The following NRXN1 variants were observed in gnomAD, a reference collection of about 807,000 sequenced individuals.
The protein encoded by NRXN1 is neurexin-1.
In NRXN1, 39 loss-of-function variants were observed where a neutral mutation model predicts 150.9. The ratio of observed to expected loss-of-function variants is 0.26; its 90% CI spans 0.20 to 0.34. The LOEUF (loss-of-function observed/expected upper bound fraction) is 0.34, where lower values mean the gene tolerates loss of function less well. NRXN1 is among the 10% of genes least tolerant of loss of function. The pLI is 1.00. For synonymous variants in NRXN1, 924 were observed against 757.0 expected (o/e 1.22, Z -3.62); for missense variants, 1,815 against 1,949.9 (o/e 0.93, Z 1.30).
chr2:50,476,050 G>A (rs942314042), intron 15 of NRXN1, among the ~76,000 whole-genome samples: 1 of 152,010 alleles, frequency 6.6e-6, no homozygotes, highest in Admixed American at 6.6e-5. Flanking sequence ...CAAAATGAGT[G>A]GCTGATTTTT....
intron 17 of NRXN1, among the ~76,000 whole-genome samples, chr2:50,387,743 CA>C (rs1322831209): frequency 4.0e-5 from 6 of 151,106 alleles, no homozygotes; most frequent in Non-Finnish European, 7.4e-5. Flanking sequence ...ATGGCATTTT[CA>C]AAAAAAACAG....
At position 50,114,878 on chromosome 2, in the gene NRXN1, G is replaced by T. The variant is rs559454055; in HGVS notation, c.3547-23384C>A. ...CTAGTGGGGAGAGAGGGATGAATAG[G>T]TAGAGTACAGAGGATTTTTAGGGCA... On this transcript the variant is annotated intron_variant, in intron 18 of 22. Transcript: ENST00000401669. Among the ~76,000 whole-genome samples the T allele has an allele frequency of 5.9e-5, 9 of 151,988 alleles. 1 individual carries two copies. Among genetic ancestry groups the T allele is most frequent in the African/African-American group, 1.7e-4 (7 of 41,470 alleles).
chr2:50,623,421 C>G lies in NRXN1; in HGVS notation c.1027G>C (p.Val343Leu), dbSNP rs1680410538. ...AAGGCCCCTGATCCCAAATTAATGA[C>G]CAGAGAGACAGCTCCATTTTTCAGG... ...LALKNGAVSL[V>L]INLGSGAFEA... Residue 343 changes from valine (V) to leucine (L), a missense_variant, in exon 6 of 23, where the codon GTC becomes CTC. Physicochemically the swap from Val to Leu is conservative, Grantham distance 32. This residue lies in a region of NRXN1 where 554 missense variants were observed against 478.8 expected (regional missense o/e 1.16). Coordinates refer to ENST00000401669, the MANE Select transcript of NRXN1 (RefSeq NM_001330078.2). 1 of 1,613,208 alleles carries G rather than the reference C, an allele frequency of 6.2e-7. No individual in the cohort carries two copies. Among genetic ancestry groups the G allele is most frequent in the African/African-American group, 1.3e-5 (1 of 74,862 alleles).
chr2:50,685,712 C>T (rs1429106462), intron 5 of NRXN1, among the ~76,000 whole-genome samples: 7 of 152,086 alleles, frequency 4.6e-5, no homozygotes, highest in Non-Finnish European at 1.5e-5. Flanking sequence ...TTTGTTTCAT[C>T]CTGTCAGTAT....
At chr2:50,188,651 T>C (rs992987741) in intron 18 of NRXN1, among the ~76,000 whole-genome samples, 6 of 151,720 alleles carry the variant, frequency 4.0e-5, no homozygotes, top group Non-Finnish European at 8.8e-5. Flanking sequence ...ATCCAGAATC[T>C]ACAAGGAACT....
At chr2:50,344,916 A>G (rs901550144) in intron 17 of NRXN1, among the ~76,000 whole-genome samples, 5 of 152,068 alleles carry the variant, frequency 3.3e-5, no homozygotes, top group African/African-American at 7.2e-5. Flanking sequence ...CCACCTACCC[A>G]CACTCTGCCC....
At chr2:50,388,516 G>T (rs2081475235) in intron 17 of NRXN1, among the ~76,000 whole-genome samples, 1 of 152,036 alleles carries the variant, frequency 6.6e-6, no homozygotes, top group African/African-American at 2.4e-5. Context: ...TACAAACCAG[G>T]GTTTGGCTTT....
At chr2:50,939,899 A>T (rs1331440711) in intron 2 of NRXN1, among the ~76,000 whole-genome samples, 1 of 152,202 alleles carries the variant, frequency 6.6e-6, no homozygotes, top group African/African-American at 2.4e-5. Context: ...GAAACAACAG[A>T]ACCACCCACT....
intron 2 of NRXN1, among the ~76,000 whole-genome samples, chr2:50,993,409 C>A (rs1293010490): frequency 6.6e-6 from 1 of 151,728 alleles, no homozygotes; most frequent in Non-Finnish European, 1.5e-5. Context: ...GTTTTAGGTT[C>A]CCTTTGATTC....
chr2:50,277,641 C>T (rs1473203184), intron 17 of NRXN1, among the ~76,000 whole-genome samples: 1 of 151,948 alleles, frequency 6.6e-6, no homozygotes, highest in African/African-American at 2.4e-5. Flanking sequence ...AGTAGTCAAT[C>T]CATAGATGAA....
In NRXN1 at chr2:49,939,565, C is replaced by T. The variant is rs1671621561; in HGVS notation, c.4216+4139G>A. The stretch of plus-strand genomic sequence containing the variant: ...AGTATAATTGAGTTCCATGTGTTCC[C>T]ACCCAGGATGTTGACCCTGATCTAG... On this transcript the variant is annotated intron_variant, in intron 22 of 22. Coordinates refer to ENST00000401669, the MANE Select transcript of NRXN1 (RefSeq NM_001330078.2). 2.0e-5 allele frequency among the ~76,000 whole-genome samples: 3 copies of T among 152,266 alleles called. No homozygotes were observed. In the South Asian group the frequency reaches 6.2e-4, roughly 32 times the overall value.
chr2:50,235,921 C>T (rs778540453), intron 18 of NRXN1, among the ~76,000 whole-genome samples: 14 of 151,966 alleles, frequency 9.2e-5, no homozygotes, highest in Non-Finnish European at 2.1e-4. Context: ...ATGTGACACA[C>T]TACGATTTTT....
chr2:50,614,714 T>A (rs1678774628), intron 8 of NRXN1, among the ~76,000 whole-genome samples: 2 of 84,820 alleles, frequency 2.4e-5, no homozygotes, highest in African/African-American at 4.5e-5. Flanking sequence ...ATTAACCTAT[T>A]AAACTAATAT....
intron 5 of NRXN1, among the ~76,000 whole-genome samples, chr2:50,737,085 C>A (rs1698852474): frequency 6.6e-6 from 1 of 151,886 alleles, no homozygotes; most frequent in Non-Finnish European, 1.5e-5. Context: ...TGATGAAACC[C>A]CATCCCTACT....
chr2:49,933,253 A>G (rs1339030414), intron 22 of NRXN1, among the ~76,000 whole-genome samples: 1 of 151,826 alleles, frequency 6.6e-6, no homozygotes, highest in African/African-American at 2.4e-5. Context: ...CGCCCGGCTA[A>G]TTTTTTGAAT....
At chr2:50,864,266 A>G (rs769079148) in intron 5 of NRXN1, among the ~76,000 whole-genome samples, 1 of 151,990 alleles carries the variant, frequency 6.6e-6, no homozygotes, top group Non-Finnish European at 1.5e-5. Context: ...TGGTAAGCAA[A>G]ATCAGACATG....
chr2:50,298,249 T>C (rs2073814908), intron 17 of NRXN1, among the ~76,000 whole-genome samples: 2 of 152,094 alleles, frequency 1.3e-5, no homozygotes, highest in South Asian at 4.1e-4. Flanking sequence ...AAGGCACAGA[T>C]TTTTCAGGAA....
At chr2:50,375,211 T>A (rs1009519329) in intron 17 of NRXN1, among the ~76,000 whole-genome samples, 8 of 152,052 alleles carry the variant, frequency 5.3e-5, no homozygotes, top group Non-Finnish European at 1.2e-4. Flanking sequence ...TTCTCTTGAA[T>A]AATTGATGTA....
At chr2:50,225,792 A>G (rs989932652) in intron 18 of NRXN1, among the ~76,000 whole-genome samples, 4 of 151,970 alleles carry the variant, frequency 2.6e-5, no homozygotes, top group Non-Finnish European at 5.9e-5. Flanking sequence ...TATGCCCCAA[A>G]CTTACAAATC....
Sources: allele counts gnomAD v4.1 joint callset (sites outside exome capture counted in the v4.1 genomes callset), GRCh38; gene constraint gnomAD v4.1.1; regional missense constraint gnomAD v4.1.1; transcripts MANE v1.5; gene names NCBI Gene and HGNC (gene_info 2026-07-23, HGNC 2026-07-21).